The following EPC2 variants were observed in gnomAD, a reference collection of about 807,000 sequenced individuals.
The protein encoded by EPC2 is enhancer of polycomb 2, also known as enhancer of polycomb homolog 2.
EPC2 carries 14 observed loss-of-function variants against 92.1 expected under a neutral mutation model. The observed-to-expected ratio is 0.15, with a 90% CI of 0.10 to 0.24. The LOEUF (loss-of-function observed/expected upper bound fraction) is 0.24. Ranked by LOEUF, EPC2 falls within the 10% of genes least tolerant of loss-of-function variation. EPC2 has a pLI of 1.00. For synonymous variants in EPC2, 340 were observed against 334.7 expected (o/e 1.02, Z -0.17); for missense variants, 755 against 971.5 (o/e 0.78, Z 2.96).
chr2:148,766,734 G>C (rs1431766903), intron 7 of EPC2, among the ~76,000 whole-genome samples: 1 of 152,136 alleles, frequency 6.6e-6, no homozygotes, highest in African/African-American at 2.4e-5. Context: ...TACCCAGATG[G>C]CAGATAGCCT....
chr2:148,680,963 A>C (rs1201401043), intron 1 of EPC2, among the ~76,000 whole-genome samples: 1 of 152,216 alleles, frequency 6.6e-6, no homozygotes, highest in Non-Finnish European at 1.5e-5. Context: ...CTAGAATGAT[A>C]ATAGGTTGGA....
intron 4 of EPC2, among the ~76,000 whole-genome samples, chr2:148,758,005 A>G (rs894662373): frequency 2.6e-5 from 4 of 152,164 alleles, no homozygotes; most frequent in African/African-American, 9.7e-5. Context: ...GAAAATAAGA[A>G]TATGATTGAA....
At chr2:148,680,400 C>T (rs1005062766) in intron 1 of EPC2, among the ~76,000 whole-genome samples, 6 of 152,092 alleles carry the variant, frequency 3.9e-5, no homozygotes, top group African/African-American at 9.7e-5. Flanking sequence ...GGATAATATC[C>T]GGTGTTTAAT....
At position 148,697,124 on chromosome 2, in the gene EPC2, A is replaced by T. The variant is rs571451645; in HGVS notation, c.313+6751A>T. ...ACCTAAGATTAAAGAGCCCAGGGTG[A>T]TGCAGCTAGCAAGTAGTAGAGTCAG... On this transcript the variant is annotated intron_variant, in intron 2 of 13. Transcript: ENST00000258484. 1.8e-4 allele frequency among the ~76,000 whole-genome samples: 28 copies of T among 152,334 alleles called. No homozygotes were observed. The South Asian group carries it at 5.8e-3, about 32-fold the overall frequency.
chr2:148,777,205 C>G (rs1350223281), intron 10 of EPC2, among the ~76,000 whole-genome samples: 1 of 151,700 alleles, frequency 6.6e-6, no homozygotes, highest in Non-Finnish European at 1.5e-5. Context: ...AAAAGACACT[C>G]TTGTAACAAA....
At chr2:148,686,589 A>G (rs1305169669) in intron 1 of EPC2, among the ~76,000 whole-genome samples, 1 of 152,240 alleles carries the variant, frequency 6.6e-6, no homozygotes, top group African/African-American at 2.4e-5. Flanking sequence ...TATGGCAGCT[A>G]TTGCCTTACA....
rs199895317 is a variant in EPC2 at position 148,761,902 on chromosome 2, C to G, written c.787C>G (p.His263Asp). The G allele has an allele frequency of 6.3e-7, 1 of 1,594,980 alleles. No homozygotes were observed. Among genetic ancestry groups the G allele is most frequent in the African/African-American group, 1.4e-5 (1 of 73,848 alleles). The part of the protein sequence containing the change: ...RREKTKRELL[H>D]LTLEVVEKRY... ...AGAGAAAACAAAACGAGAATTATTG[C>G]ACTTAACCTTAGAAGTTGTGGAGAA... The change falls in exon 5 of 14, where the codon CAC (histidine) becomes GAC (aspartate). Residue 263 changes from histidine (H) to aspartate (D), a missense_variant. Around this residue, in one of 4 missense-constraint regions of EPC2, gnomAD observed 509 missense variants for 607.7 expected, o/e 0.84. Transcript: ENST00000258484.
At chr2:148,689,326 G>A (rs1470148644) in intron 1 of EPC2, among the ~76,000 whole-genome samples, 7 of 152,100 alleles carry the variant, frequency 4.6e-5, no homozygotes, top group South Asian at 2.1e-4. Flanking sequence ...AGAGGCACCC[G>A]CCACTACGCC....
chr2:148,686,292 A>G (rs1681523581), intron 1 of EPC2, among the ~76,000 whole-genome samples: 1 of 152,210 alleles, frequency 6.6e-6, no homozygotes, highest in South Asian at 2.1e-4. Context: ...CATCTGTTCA[A>G]GTTTTATGAA....
At chr2:148,777,457 A>G (rs1302534291) in intron 10 of EPC2, among the ~76,000 whole-genome samples, 1 of 152,190 alleles carries the variant, frequency 6.6e-6, no homozygotes, top group Admixed American at 6.5e-5. Flanking sequence ...CTACTCTGTT[A>G]TGGGATGATG....
At chr2:148,715,994 G>A (rs1241033091) in intron 2 of EPC2, among the ~76,000 whole-genome samples, 1 of 152,118 alleles carries the variant, frequency 6.6e-6, no homozygotes, top group Non-Finnish European at 1.5e-5. Flanking sequence ...AGTTGTGAAT[G>A]TGAGTTCATT....
At chr2:148,656,854 T>G (rs935690501) in intron 1 of EPC2, among the ~76,000 whole-genome samples, 1 of 152,228 alleles carries the variant, frequency 6.6e-6, no homozygotes, top group Non-Finnish European at 1.5e-5. Flanking sequence ...AAAATGATAC[T>G]GTGGAAATTT....
At chr2:148,656,029 G>GC (rs1680790018) in intron 1 of EPC2, among the ~76,000 whole-genome samples, 1 of 130,374 alleles carries the variant, frequency 7.7e-6, no homozygotes, top group Admixed American at 7.7e-5. Context: ...GTGTGTGGGG[G>GC]GGGGGGGGGT....
chr2:148,770,595 G>A (rs1683497483), intron 8 of EPC2, among the ~76,000 whole-genome samples, 197 bp from the exon 9 acceptor site: 1 of 151,996 alleles, frequency 6.6e-6, no homozygotes. Flanking sequence ...GGTAATCTTG[G>A]TGAGTGAACT....
intron 6 of EPC2, among the ~76,000 whole-genome samples, chr2:148,764,682 A>G (rs1683374025): frequency 6.6e-6 from 1 of 152,190 alleles, no homozygotes; most frequent in Non-Finnish European, 1.5e-5. Flanking sequence ...ACTGGATTAC[A>G]TAATAGAGCA....
At position 148,759,555 on chromosome 2, in the gene EPC2, C is replaced by G. The variant is rs537033329; in HGVS notation, c.667-2227C>G. Reference sequence around the variant, plus strand: ...AATAGGATTATATTAATGTTAATTTCCAGACTTTAATAATTGTACTGTGGT... The same window carrying G: ...AATAGGATTATATTAATGTTAATTTGCAGACTTTAATAATTGTACTGTGGT... On this transcript the variant is annotated intron_variant, in intron 4 of 13. Transcript: ENST00000258484. Among the ~76,000 whole-genome samples the G allele has an allele frequency of 1.8e-3, 274 of 152,024 alleles. 2 individuals carry two copies. Among genetic ancestry groups the G allele is most frequent in the African/African-American group, 6.4e-3 (264 of 41,490 alleles).
At chr2:148,647,469 A>C (rs1683826484) in intron 1 of EPC2, among the ~76,000 whole-genome samples, 3 of 151,446 alleles carry the variant, frequency 2.0e-5, no homozygotes, top group Non-Finnish European at 4.4e-5. Context: ...TACCTCGCCC[A>C]GCTAATTTTT....
chr2:148,702,245 A>G (rs1462970226), intron 2 of EPC2, among the ~76,000 whole-genome samples: 1 of 152,238 alleles, frequency 6.6e-6, no homozygotes, highest in Admixed American at 6.5e-5. Flanking sequence ...TCATTTCAGC[A>G]ACAAAACAGA....
At chr2:148,741,190 C>T (rs1682874394) in intron 2 of EPC2, among the ~76,000 whole-genome samples, 1 of 152,068 alleles carries the variant, frequency 6.6e-6, no homozygotes, top group African/African-American at 2.4e-5. Flanking sequence ...ATATCGCATA[C>T]TTAAATACAA....
Sources: gnomAD v4.1 joint callset for allele counts (sites outside exome capture counted in the v4.1 genomes callset) on GRCh38, gnomAD v4.1.1 for gene constraint, gnomAD v4.1.1 regional missense constraint, MANE v1.5 for transcripts, NCBI Gene and HGNC (gene_info 2026-07-23, HGNC 2026-07-21) for gene names.